Variants in ECSIT observed in about 807,000 individuals in gnomAD.
ECSIT encodes evolutionarily conserved signaling intermediate in Toll pathway, mitochondrial.
Under a neutral mutation model 36.8 loss-of-function variants are expected in ECSIT, and 29 were observed. The ratio of observed to expected loss-of-function variants is 0.79; its 90% CI spans 0.59 to 1.08. The LOEUF (loss-of-function observed/expected upper bound fraction) is 1.08, where lower values mean the gene tolerates loss of function less well. Ranked by LOEUF, ECSIT falls within the 50% of genes least tolerant of loss-of-function variation. ECSIT has a pLI of 0.00. For missense variants in ECSIT, 542 were observed against 581.0 expected, an observed-to-expected ratio of 0.93 and a Z score of 0.69; for synonymous variants, 231 against 234.8, an observed-to-expected ratio of 0.98 and a Z score of 0.15.
At chr19:11,514,631 T>C (rs1254078800) in intron 2 of ECSIT, among the ~76,000 whole-genome samples, 1 of 151,692 alleles carries the variant, frequency 6.6e-6, no homozygotes, top group African/African-American at 2.4e-5. Flanking sequence ...CAAGCAATTC[T>C]CCTCCTCACC....
intron 2 of ECSIT, among the ~76,000 whole-genome samples, chr19:11,515,493 G>A (rs1384979767): frequency 2.6e-5 from 4 of 151,658 alleles, no homozygotes; most frequent in South Asian, 2.1e-4. Context: ...AGTTTCACTC[G>A]TCGCCCAGGC....
At chr19:11,522,915 A>G (rs1972136005) in intron 1 of ECSIT, among the ~76,000 whole-genome samples, 1 of 151,378 alleles carries the variant, frequency 6.6e-6, no homozygotes, top group Non-Finnish European at 1.5e-5. Context: ...CTAAAAATAC[A>G]AAAAAAATAG....
At chr19:11,517,728 G>A (rs901833458) in intron 2 of ECSIT, among the ~76,000 whole-genome samples, 2 of 152,148 alleles carry the variant, frequency 1.3e-5, no homozygotes, top group African/African-American at 4.8e-5. Context: ...AGGAGGTAAT[G>A]TAAATGAAAT....
chr19:11,519,451 C>T lies in ECSIT; in HGVS notation c.-23-258G>A, dbSNP rs78110049. 8.0e-3 allele frequency among the ~76,000 whole-genome samples: 1,225 copies of T among 152,194 alleles called. 20 individuals carry two copies. The highest frequency in any genetic ancestry group is 0.071 in the East Asian group (365 of 5,166). ...CCCAAGTGATCCTCCAGCCCCAGAGCGTCGAGAAGCTGGGACTACAGACGC... is the reference window on the plus strand; with the variant it reads ...CCCAAGTGATCCTCCAGCCCCAGAGTGTCGAGAAGCTGGGACTACAGACGC... On this transcript the variant is annotated intron_variant, in intron 1 of 7. Coordinates refer to ENST00000270517, the MANE Select transcript of ECSIT (RefSeq NM_016581.5). This position sits in a 1 kb window ranked among gnomAD's most constrained non-coding sequence, Gnocchi z 4.4.
At chr19:11,508,129 A>G in intron 4 of ECSIT, 81 bp from the exon 5 acceptor site, 1 of 1,535,760 alleles carries the variant, frequency 6.5e-7, no homozygotes, top group Middle Eastern at 1.7e-4. Context: ...AGAAAGGGGG[A>G]TACCAGGGAA....
intron 2 of ECSIT, among the ~76,000 whole-genome samples, chr19:11,514,505 G>A (rs1247809583): frequency 6.9e-6 from 1 of 145,670 alleles, no homozygotes; most frequent in African/African-American, 2.8e-5. Context: ...CACACATGCC[G>A]GTTTTTTTTT....
At chr19:11,508,153 TC>T (rs1172236260) in intron 4 of ECSIT, 105 bp from the exon 5 acceptor site, 2 of 1,375,928 alleles carry the variant, frequency 1.5e-6, no homozygotes, top group Non-Finnish European at 2.1e-6. Context: ...AGGACACCTC[TC>T]CTGGATCTGG....
At chr19:11,506,685 G>A (rs1971750514) in intron 7 of ECSIT, among the ~76,000 whole-genome samples, 1 of 152,046 alleles carries the variant, frequency 6.6e-6, no homozygotes, top group Non-Finnish European at 1.5e-5. Context: ...CAGGTGCACA[G>A]CACCACGCCG....
chr19:11,522,919 A>T (rs984451805), intron 1 of ECSIT, among the ~76,000 whole-genome samples: 6 of 151,848 alleles, frequency 4.0e-5, no homozygotes, highest in African/African-American at 9.7e-5. Context: ...AAATACAAAA[A>T]AAATAGCCAG....
chr19:11,515,296 G>A (rs1599582845), intron 2 of ECSIT, among the ~76,000 whole-genome samples: 1 of 149,542 alleles, frequency 6.7e-6, no homozygotes, highest in Non-Finnish European at 1.5e-5. Flanking sequence ...GTAGAGACGG[G>A]GTTTCACTGT....
chr19:11,506,824 T>C (rs1011765775), intron 7 of ECSIT, among the ~76,000 whole-genome samples: 2 of 152,192 alleles, frequency 1.3e-5, no homozygotes, highest in Admixed American at 6.5e-5. Context: ...CGTGAGCCAC[T>C]GTGCCCGGCT....
chr19:11,507,836 C>A lies in ECSIT; in HGVS notation c.811G>T (p.Asp271Tyr), dbSNP rs373495105. 7.4e-6 allele frequency: 12 copies of A among 1,613,486 alleles called. No individual in the cohort carries two copies. The highest frequency in any genetic ancestry group is 3.3e-5 in the Admixed American group (2 of 60,012). ...QPHIVGIQSPDQQAALARHNP... is the reference protein window; with the variant it reads ...QPHIVGIQSPYQQAALARHNP... Reference sequence around the variant, plus strand: ...TGGCGGGCCAGGGCGGCCTGCTGATCGGGACTCTGGATTCCTGGTGTGGAG... The same window carrying A: ...TGGCGGGCCAGGGCGGCCTGCTGATAGGGACTCTGGATTCCTGGTGTGGAG... Residue 271 changes from aspartate to tyrosine, a missense_variant, in exon 6 of 8, where the codon GAT (aspartate) becomes TAT (tyrosine). Physicochemically the swap from Asp to Tyr is radical, Grantham distance 160. Transcript: ENST00000270517.
chr19:11,512,978 A>T, intron 4 of ECSIT, 78 bp downstream of exon 4: 1 of 1,381,396 alleles, frequency 7.2e-7, no homozygotes, highest in Non-Finnish European at 1.0e-6. Context: ...CACTAGAGTG[A>T]GAGAAGGGGA....
At chr19:11,523,379 C>G (rs944065429) in intron 1 of ECSIT, 1 of 467,094 alleles carries the variant, frequency 2.1e-6, no homozygotes, top group Admixed American at 3.3e-5. Context: ...TGCCGAGTTG[C>G]GCGGAGGCGG....
rs777713525 is a variant in ECSIT at position 11,506,298 on chromosome 19, G to A, written c.1182C>T (p.Ala394=). The A allele has an allele frequency of 3.1e-6, 5 of 1,612,978 alleles. No individual in the cohort carries two copies. Residue 394 remains alanine, a synonymous_variant, in exon 8 of 8, where the codon GCC becomes GCT. Transcript: ENST00000270517. ...ATGTCTGGAGCTCCCGGGTGGACCC[G>A]GCGAGGCGGAAGACCACGGGGATCT... ...LAQIPVVFRL[A]GSTRELQTSS...
chr19:11,525,105 C>G (rs1002688245), intron 1 of ECSIT, among the ~76,000 whole-genome samples: 1 of 152,082 alleles, frequency 6.6e-6, no homozygotes, highest in African/African-American at 2.4e-5. Context: ...CCACTGCACT[C>G]CAGCCTGGGC....
intron 2 of ECSIT, among the ~76,000 whole-genome samples, chr19:11,515,551 G>A (rs889439296): frequency 6.6e-6 from 1 of 151,372 alleles, no homozygotes; most frequent in Non-Finnish European, 1.5e-5. Context: ...CTGCCTTGTG[G>A]GTTCAAGCGA....
At chr19:11,511,192 G>A (rs373638452) in intron 4 of ECSIT, among the ~76,000 whole-genome samples, 1 of 152,204 alleles carries the variant, frequency 6.6e-6, no homozygotes, top group Admixed American at 6.5e-5. Context: ...GACAAGTGCT[G>A]TGAGGGGCTC....
rs1971931046 is a variant in ECSIT, at chr19:11,513,949, C to G, written c.369G>C (p.Glu123Asp). 1 of 1,614,120 alleles carries G rather than the reference C, an allele frequency of 6.2e-7. No individual in the cohort carries two copies. Among genetic ancestry groups the G allele is most frequent in the African/African-American group, 1.3e-5 (1 of 74,944 alleles). ...GCTGGTTGTACACAGCCAGGTCCCG[C>G]TCGACACCATACTCCCGCATCTTGC... ...ALRKMREYGV[E>D]RDLAVYNQLL... The change falls in exon 3 of 8, where the codon GAG becomes GAC. Residue 123 changes from glutamate to aspartate, a missense_variant. Coordinates refer to ENST00000270517, the MANE Select transcript of ECSIT (RefSeq NM_016581.5).
Sources: allele counts gnomAD v4.1 joint callset (sites outside exome capture counted in the v4.1 genomes callset), GRCh38; gene constraint gnomAD v4.1.1; non-coding constraint Gnocchi (gnomAD v3.1); transcripts MANE v1.5; gene names NCBI Gene and HGNC (gene_info 2026-07-23, HGNC 2026-07-21).